CACNA1I: variants seen among roughly 807,000 people sequenced by gnomAD.
The protein encoded by CACNA1I is voltage-dependent T-type calcium channel subunit alpha-1I.
CACNA1I carries 74 observed loss-of-function variants against 201.6 expected under a neutral mutation model. That is an observed-to-expected ratio of 0.37 (90% CI 0.30 to 0.45). CACNA1I has a LOEUF of 0.45. CACNA1I is among the 20% of genes least tolerant of loss of function. The pLI is 1.00. For missense variants in CACNA1I, 2,346 were observed against 3,138.1 expected (o/e 0.75, Z 6.03); for synonymous variants, 1,431 against 1,345.2 (o/e 1.06, Z -1.40).
At chr22:39,645,769 A>G (rs1359257117) in intron 7 of CACNA1I, among the ~76,000 whole-genome samples, 1 of 152,230 alleles carries the variant, frequency 6.6e-6, no homozygotes, top group Non-Finnish European at 1.5e-5. Context: ...CTGCGCCCTG[A>G]AAGCCTGGAA....
chr22:39,583,719 G>C (rs1374102889), intron 1 of CACNA1I, among the ~76,000 whole-genome samples: 2 of 152,204 alleles, frequency 1.3e-5, no homozygotes, highest in Admixed American at 1.3e-4. Flanking sequence ...ACTGTCTGCT[G>C]AATGCCCAGA....
rs576438020 is a variant in CACNA1I at position 39,577,682 on chromosome 22, G to A, written c.236+6694G>A. On this transcript the variant is annotated intron_variant, in intron 1 of 36. Coordinates refer to ENST00000402142, the MANE Select transcript of CACNA1I (RefSeq NM_021096.4). ...GCAGCCAGGAGACCCGTCGAGAGGC[G>A]CCTGTGGGACGATGGCGAGAAACGA... 1.6e-4 allele frequency among the ~76,000 whole-genome samples: 25 copies of A among 152,386 alleles called. No individual in the cohort carries two copies. The South Asian group carries it at 2.1e-3, about 13-fold the overall frequency.
At chr22:39,670,703 C>T (rs1483253116) in intron 25 of CACNA1I, 100 bp from the exon 26 acceptor site, 20 of 1,145,110 alleles carry the variant, frequency 1.7e-5, no homozygotes, top group African/African-American at 4.5e-5. Flanking sequence ...TCCTCTTTGC[C>T]CCCTCCCTTT....
In CACNA1I at chr22:39,679,301, C is replaced by A. The variant is rs771608235; in HGVS notation, c.5250C>A (p.Leu1750=). ...AGGACGCCGAGATGGATGCCGAGCT[C>A]GAGCTGGAGATGGCCCATGGCCTGG... ...AQEDAEMDAE[L]ELEMAHGLGP... is the part of the protein sequence containing the mutation. The change falls in exon 32 of 37, where the codon CTC becomes CTA. Residue 1750 remains leucine, a synonymous_variant. Coordinates refer to ENST00000402142, the MANE Select transcript of CACNA1I (RefSeq NM_021096.4). 16 of 1,560,286 alleles carry A rather than the reference C, an allele frequency of 1.0e-5. No individual in the cohort carries two copies. The highest frequency in any genetic ancestry group is 1.4e-5 in the Non-Finnish European group (16 of 1,152,928).
At chr22:39,637,423 G>A (rs1391308270) in intron 5 of CACNA1I, among the ~76,000 whole-genome samples, 1 of 152,148 alleles carries the variant, frequency 6.6e-6, no homozygotes, top group Admixed American at 6.5e-5. Context: ...TCTTGATCGA[G>A]GCAACCCCAC....
intron 24 of CACNA1I, 42 bp downstream of exon 24, chr22:39,668,423 G>A (rs898312478): frequency 1.4e-5 from 18 of 1,321,792 alleles, no homozygotes; most frequent in Non-Finnish European, 2.0e-5. Context: ...ATGCAGGGAG[G>A]AACATGGTGT....
Position 39,656,287 on chromosome 22 carries a change from C to T in CACNA1I, c.1993-1865C>T, listed in dbSNP as rs546526361. 7.9e-5 allele frequency: 35 copies of T among 444,524 alleles called. No homozygotes were observed. The East Asian group carries it at 1.5e-3, about 19-fold the overall frequency. 27.5% of individuals were successfully genotyped at this position (444,524 alleles called of 1,614,324 possible). On this transcript the variant is annotated intron_variant, in intron 10 of 36. Transcript: ENST00000402142. ...TCGGAGTCAGGTCCTTGCGGCTCCC[C>T]GTTGCTGATGGAGGGGCTCCTGCTC...
rs1195489070 is a variant in CACNA1I, at chr22:39,619,340, C to T, written c.513C>T (p.Asn171=). The change falls in exon 4 of 37, where the codon AAC becomes AAT. Residue 171 remains asparagine, a synonymous_variant. Coordinates refer to ENST00000402142, the MANE Select transcript of CACNA1I (RefSeq NM_021096.4). ...GMVEYSLDLQ[N]INLSAIRTVR... The stretch of plus-strand genomic sequence containing the variant: ...TCGAGTACTCCCTGGACCTTCAGAA[C>T]ATCAACCTGTCAGCCATCCGCACCG... 3.7e-6 allele frequency: 6 copies of T among 1,609,990 alleles called. No individual in the cohort carries two copies. The highest frequency in any genetic ancestry group is 3.3e-4 in the Middle Eastern group (2 of 6,062).
rs765903640 is a variant in CACNA1I, at chr22:39,686,223, C to T, written c.6490C>T (p.Arg2164Cys). Residue 2164 changes from arginine (R) to cysteine (C), a missense_variant, in exon 37 of 37, where the codon CGC (arginine) becomes TGC (cysteine). Physicochemically the swap from Arg to Cys is radical, Grantham distance 180. Around this residue, in one of 13 missense-constraint regions of CACNA1I, gnomAD observed 187 missense variants for 151.0 expected, o/e 1.24. Coordinates refer to ENST00000402142, the MANE Select transcript of CACNA1I (RefSeq NM_021096.4). ...CACCAGCAGCCTGGCCGCCCCCGGCCGCCCCCACGCCGCCGCCCTGGCCCA... is the reference window on the plus strand; with the variant it reads ...CACCAGCAGCCTGGCCGCCCCCGGCTGCCCCCACGCCGCCGCCCTGGCCCA... ...SSTSSLAAPGRPHAAALAHGL... is the reference protein window; with the variant it reads ...SSTSSLAAPGCPHAAALAHGL... 3 of 1,244,530 alleles carry T rather than the reference C, an allele frequency of 2.4e-6. No homozygotes were observed. Among genetic ancestry groups the T allele is most frequent in the South Asian group, 3.2e-5 (1 of 31,482 alleles). The allele number at this position is 1,244,530 out of a possible 1,614,324, so 77.1% of individuals were successfully genotyped here.
At chr22:39,592,663 TCCAGCC>T (rs1457861745) in intron 1 of CACNA1I, among the ~76,000 whole-genome samples, 4 of 152,206 alleles carry the variant, frequency 2.6e-5, no homozygotes. Context: ...GCACTAGCAC[TCCAGCC>T]CTGCCCCCTC....
chr22:39,673,934 G>C, intron 28 of CACNA1I, 29 bp from the exon 29 acceptor site: 1 of 1,608,532 alleles, frequency 6.2e-7, no homozygotes, highest in Non-Finnish European at 8.5e-7. Context: ...GCCTGGGGCT[G>C]AGTGGGCAGG....
chr22:39,625,466 C>T (rs1168128770), intron 4 of CACNA1I, among the ~76,000 whole-genome samples: 2 of 152,162 alleles, frequency 1.3e-5, no homozygotes, highest in Non-Finnish European at 2.9e-5. Flanking sequence ...CCTGAGAAGT[C>T]CCTTGGCATC....
intron 1 of CACNA1I, among the ~76,000 whole-genome samples, chr22:39,574,329 A>G (rs1932275924): frequency 6.6e-6 from 1 of 152,046 alleles, no homozygotes; most frequent in South Asian, 2.1e-4. Context: ...CTGGCCTGAG[A>G]GTTCATAGCT....
At chr22:39,619,181 G>A in intron 3 of CACNA1I, 129 bp from the exon 4 acceptor site, 1 of 708,830 alleles carries the variant, frequency 1.4e-6, no homozygotes. Context: ...TGTAGCTGGA[G>A]ATCCGACTGC....
At chr22:39,604,992 G>T (rs1421496847) in intron 3 of CACNA1I, among the ~76,000 whole-genome samples, 3 of 151,944 alleles carry the variant, frequency 2.0e-5, no homozygotes, top group African/African-American at 7.3e-5. Flanking sequence ...TGTGCCCAGG[G>T]GTGGCGTGGG....
chr22:39,676,680 C>G lies in CACNA1I; in HGVS notation c.4855-661C>G, dbSNP rs1397751008. Among the ~76,000 whole-genome samples, 1 of 152,194 alleles carries G rather than the reference C, an allele frequency of 6.6e-6. No individual in the cohort carries two copies. The highest frequency in any genetic ancestry group is 1.5e-5 in the Non-Finnish European group (1 of 68,040). On this transcript the variant is annotated intron_variant, in intron 29 of 36. Coordinates refer to ENST00000402142, the MANE Select transcript of CACNA1I (RefSeq NM_021096.4). The surrounding 1 kb of genome is among the most constrained non-coding windows in gnomAD (Gnocchi z 4.8). The stretch of plus-strand genomic sequence containing the variant: ...CTGCGTGATTCCTGCCTTCCCTCCT[C>G]TCTATGGCCAGGCCTCATGCTGGCC...
intron 1 of CACNA1I, among the ~76,000 whole-genome samples, chr22:39,574,118 C>T (rs1158520349): frequency 6.6e-6 from 1 of 152,200 alleles, no homozygotes; most frequent in Non-Finnish European, 1.5e-5. Context: ...AGCTCTGGGA[C>T]ACTCAGACTG....
intron 3 of CACNA1I, among the ~76,000 whole-genome samples, chr22:39,603,435 G>T (rs1432170973): frequency 6.6e-6 from 1 of 152,124 alleles, no homozygotes; most frequent in Non-Finnish European, 1.5e-5. Flanking sequence ...TTTCCTCAGT[G>T]TCTTTTTAAT....
chr22:39,611,984 G>A (rs1407714679), intron 3 of CACNA1I, among the ~76,000 whole-genome samples: 1 of 152,232 alleles, frequency 6.6e-6, no homozygotes, highest in Non-Finnish European at 1.5e-5. Context: ...GTGAGGAACT[G>A]CGAGTGTTGC....
Sources: gnomAD v4.1 joint callset for allele counts (sites outside exome capture counted in the v4.1 genomes callset) on GRCh38, gnomAD v4.1.1 for gene constraint, gnomAD v4.1.1 regional missense constraint, Gnocchi (gnomAD v3.1) non-coding constraint, MANE v1.5 for transcripts, NCBI Gene and HGNC (gene_info 2026-07-23, HGNC 2026-07-21) for gene names.